The following PPP2R2C variants were observed in gnomAD, a reference collection of about 807,000 sequenced individuals.
The protein encoded by PPP2R2C is protein phosphatase 2 regulatory subunit Bgamma, also known as protein phosphatase 2, regulatory subunit B, gamma.
In PPP2R2C, 10 loss-of-function variants were observed where a neutral mutation model predicts 45.3. The ratio of observed to expected loss-of-function variants is 0.22; its 90% CI spans 0.14 to 0.37. The LOEUF (loss-of-function observed/expected upper bound fraction) is 0.37, where lower values mean the gene tolerates loss of function less well. Among genes scored for constraint, PPP2R2C ranks in the 10% least tolerant of loss-of-function variants. PPP2R2C has a pLI of 1.00. For synonymous variants in PPP2R2C, 257 were observed against 245.4 expected, an observed-to-expected ratio of 1.05 and a Z score of -0.44; for missense variants, 308 against 619.7, an observed-to-expected ratio of 0.50 and a Z score of 5.34.
chr4:6,427,576 C>T (rs1336607672), intron 1 of PPP2R2C, among the ~76,000 whole-genome samples: 1 of 152,216 alleles, frequency 6.6e-6, no homozygotes, highest in African/African-American at 2.4e-5. Flanking sequence ...CTGGCCAAGC[C>T]TTCTTCTTGC....
intron 5 of PPP2R2C, chr4:6,349,411 T>A: frequency 1.0e-6 from 1 of 975,956 alleles, no homozygotes; most frequent in Non-Finnish European, 1.2e-6. Context: ...GTGAAGATCA[T>A]CAGAGGCAAA....
At chr4:6,560,734 G>A (rs73796266) in intron 1 of PPP2R2C, among the ~76,000 whole-genome samples, 3,291 of 152,312 alleles carry the variant, frequency 0.022, 125 homozygotes, top group African/African-American at 0.076. Flanking sequence ...GAAGGGGCTC[G>A]TGCTTGGGGT....
chr4:6,497,964 T>C (rs1486611905), intron 2 of PPP2R2C, among the ~76,000 whole-genome samples: 1 of 152,240 alleles, frequency 6.6e-6, no homozygotes, highest in Non-Finnish European at 1.5e-5. Flanking sequence ...AGCCTGCGAA[T>C]GTGGAGAGCT....
chr4:6,394,331 G>A (rs536825079), intron 1 of PPP2R2C, among the ~76,000 whole-genome samples: 26 of 152,340 alleles, frequency 1.7e-4, no homozygotes, highest in African/African-American at 5.5e-4. Flanking sequence ...AAGATTCAAC[G>A]AGGCAACAAA....
chr4:6,431,796 A>G (rs1661749933), intron 1 of PPP2R2C, among the ~76,000 whole-genome samples: 1 of 152,058 alleles, frequency 6.6e-6, no homozygotes, highest in Admixed American at 6.5e-5. Flanking sequence ...TGGGTGGAGG[A>G]TGGGCCGTGG....
chr4:6,375,750 T>C, intron 4 of PPP2R2C, 69 bp downstream of exon 4: 1 of 1,335,900 alleles, frequency 7.5e-7, no homozygotes, highest in Non-Finnish European at 1.0e-6. Context: ...TCTCAAAGGC[T>C]TTTCCAGCCC....
intron 1 of PPP2R2C, among the ~76,000 whole-genome samples, chr4:6,537,643 C>T (rs945083692): frequency 6.6e-6 from 1 of 151,484 alleles, no homozygotes; most frequent in Non-Finnish European, 1.5e-5. Context: ...CTCCGCCTCC[C>T]AGGTTCACAC....
chr4:6,378,689 C>A lies in PPP2R2C; in HGVS notation c.169-117G>T. ...CCAAGTGCCGAGCCGTGCCAGGGATCCAATTCGAGGGTCAAATGAAACTCT... is the reference window on the plus strand; with the variant it reads ...CCAAGTGCCGAGCCGTGCCAGGGATACAATTCGAGGGTCAAATGAAACTCT... On this transcript the variant is annotated intron_variant, in intron 2 of 8. Coordinates refer to ENST00000382599, the MANE Select transcript of PPP2R2C (RefSeq NM_020416.4). This position sits in a 1 kb window ranked among gnomAD's most constrained non-coding sequence, Gnocchi z 5.2. 10 of 1,107,040 alleles carry A rather than the reference C, an allele frequency of 9.0e-6. No homozygotes were observed. Among genetic ancestry groups the A allele is most frequent in the Middle Eastern group, 6.0e-4 (2 of 3,330 alleles). 68.6% of individuals were successfully genotyped at this position (1,107,040 alleles called of 1,614,324 possible).
At chr4:6,374,734 G>A (rs907362535) in intron 4 of PPP2R2C, among the ~76,000 whole-genome samples, 1 of 152,196 alleles carries the variant, frequency 6.6e-6, no homozygotes, top group Non-Finnish European at 1.5e-5. Flanking sequence ...GGACACTTTG[G>A]GGACAGGTAC....
chr4:6,477,139 G>A (rs1280551635), upstream of PPP2R2C, among the ~76,000 whole-genome samples: 2 of 151,978 alleles, frequency 1.3e-5, no homozygotes, highest in Non-Finnish European at 2.9e-5. Flanking sequence ...CTTGTGGTCC[G>A]AGCTACTCGG....
chr4:6,404,095 C>T (rs1053339343), intron 1 of PPP2R2C, among the ~76,000 whole-genome samples: 1 of 152,126 alleles, frequency 6.6e-6, no homozygotes, highest in Non-Finnish European at 1.5e-5. Flanking sequence ...TTTGTTCCCA[C>T]CAGGAGAGTT....
upstream of PPP2R2C, among the ~76,000 whole-genome samples, chr4:6,476,016 G>A (rs536047906): frequency 1.2e-4 from 19 of 152,314 alleles, no homozygotes; most frequent in South Asian, 1.5e-3. Context: ...GACAGTGGCC[G>A]CCTGCAAACC....
chr4:6,390,136 C>T (rs145052913), intron 1 of PPP2R2C, among the ~76,000 whole-genome samples: 2 of 152,294 alleles, frequency 1.3e-5, no homozygotes, highest in Non-Finnish European at 2.9e-5. Flanking sequence ...CCTCCACGTA[C>T]TTCCAGGGGA....
chr4:6,545,156 C>T (rs1724937120), intron 1 of PPP2R2C, among the ~76,000 whole-genome samples: 1 of 152,152 alleles, frequency 6.6e-6, no homozygotes, highest in Admixed American at 6.5e-5. Context: ...AGGCCTATTG[C>T]CTCCTCCAGA....
intron 6 of PPP2R2C, 29 bp downstream of exon 6, chr4:6,347,796 CGCCCGCCTGCCCAATGCACAG>C: frequency 5.2e-6 from 5 of 967,112 alleles, no homozygotes; most frequent in East Asian, 3.1e-5. Context: ...ACATCCCACC[CGCCCGCCTGCCCAATGCACAG>C]CCCCCCACCC....
intron 1 of PPP2R2C, among the ~76,000 whole-genome samples, chr4:6,541,062 A>C (rs565225999): frequency 6.9e-6 from 1 of 145,634 alleles, no homozygotes; most frequent in Non-Finnish European, 1.6e-5. Flanking sequence ...CCAGACAAGA[A>C]GAAAACAAGG....
In PPP2R2C at chr4:6,498,716, C is replaced by G. The variant is rs1227879497; in HGVS notation, c.49+36555G>C. Among the ~76,000 whole-genome samples, 3 of 152,094 alleles carry G rather than the reference C, an allele frequency of 2.0e-5. No individual in the cohort carries two copies. The East Asian group carries it at 5.8e-4, about 29-fold the overall frequency. On this transcript the variant is annotated intron_variant, in intron 2 of 9. Transcript: ENST00000506140. ...TTCACTCACCCAGACGGCAAACCCACCCACTGAGCCCAGTGAGCTCCCGGG... is the reference window on the plus strand; with the variant it reads ...TTCACTCACCCAGACGGCAAACCCAGCCACTGAGCCCAGTGAGCTCCCGGG...
At chr4:6,366,667 G>C (rs1022768606) in intron 5 of PPP2R2C, among the ~76,000 whole-genome samples, 37 of 152,226 alleles carry the variant, frequency 2.4e-4, no homozygotes, top group African/African-American at 8.9e-4. Flanking sequence ...TGGGCTGTGA[G>C]ATGCTGCAAG....
rs753459581 is a variant in PPP2R2C at position 6,323,612 on chromosome 4, G to A, written c.1053-19C>T. The stretch of plus-strand genomic sequence containing the variant: ...GATGACGCTGGTGGGAGAAGGAGAG[G>A]CATCAGGTGAGGAGGAGCACAAGCC... On this transcript the variant is annotated intron_variant, in intron 8 of 8. Transcript: ENST00000382599. The A allele has an allele frequency of 1.3e-6, 2 of 1,532,418 alleles. No homozygotes were observed. Among genetic ancestry groups the A allele is most frequent in the East Asian group, 2.3e-5 (1 of 43,596 alleles). 94.9% of individuals were successfully genotyped at this position (1,532,418 alleles called of 1,614,324 possible).
Sources: gnomAD v4.1 joint callset for allele counts (sites outside exome capture counted in the v4.1 genomes callset) on GRCh38, gnomAD v4.1.1 for gene constraint, Gnocchi (gnomAD v3.1) non-coding constraint, MANE v1.5 for transcripts, NCBI Gene and HGNC (gene_info 2026-07-23, HGNC 2026-07-21) for gene names.